Variants in LRMDA observed in about 807,000 individuals in gnomAD.
The protein encoded by LRMDA is leucine rich melanocyte differentiation associated, also known as leucine-rich melanocyte differentiation-associated protein.
In LRMDA, 18 loss-of-function variants were observed where a neutral mutation model predicts 29.8. The observed-to-expected ratio is 0.60, with a 90% CI of 0.42 to 0.90. The LOEUF (loss-of-function observed/expected upper bound fraction) is 0.90, where lower values mean the gene tolerates loss of function less well. Among genes scored for constraint, LRMDA ranks in the 40% least tolerant of loss-of-function variants. The pLI is 0.00. For synonymous variants in LRMDA, 125 were observed against 109.4 expected, an observed-to-expected ratio of 1.14 and a Z score of -0.89; for missense variants, 273 against 273.9, an observed-to-expected ratio of 1.00 and a Z score of 0.02.
chr10:75,738,851 G>A (rs1271606691), intron 2 of LRMDA, among the ~76,000 whole-genome samples: 2 of 152,100 alleles, frequency 1.3e-5, no homozygotes, highest in African/African-American at 2.4e-5. Flanking sequence ...AGTTTTTCTC[G>A]AGCTGGTCTG....
intron 1 of LRMDA, 60 bp downstream of exon 1, chr10:75,431,814 G>A: frequency 7.8e-7 from 1 of 1,285,154 alleles, no homozygotes; most frequent in South Asian, 2.6e-5. Context: ...AGGGACAGCG[G>A]GGCACAGAGG....
chr10:76,409,003 A>T (rs1841930809), intron 6 of LRMDA, among the ~76,000 whole-genome samples: 1 of 152,220 alleles, frequency 6.6e-6, no homozygotes, highest in Non-Finnish European at 1.5e-5. Flanking sequence ...GAAGCAAACA[A>T]AGAAGGAATA....
chr10:75,626,652 G>T (rs749979859), intron 2 of LRMDA, among the ~76,000 whole-genome samples: 3 of 152,288 alleles, frequency 2.0e-5, no homozygotes, highest in Non-Finnish European at 2.9e-5. Context: ...CTACCATTTG[G>T]CAGGTTACAG....
At chr10:76,258,864 C>T (rs968022516) in intron 5 of LRMDA, among the ~76,000 whole-genome samples, 2 of 151,988 alleles carry the variant, frequency 1.3e-5, no homozygotes, top group African/African-American at 2.4e-5. Context: ...TCTACTATTC[C>T]GTTGTTGGAT....
At chr10:76,428,000 G>C (rs1348787682) in intron 6 of LRMDA, among the ~76,000 whole-genome samples, 3 of 152,098 alleles carry the variant, frequency 2.0e-5, no homozygotes, top group African/African-American at 7.2e-5. Flanking sequence ...CCTGGATTCG[G>C]TTTGCCAGTA....
intron 6 of LRMDA, among the ~76,000 whole-genome samples, chr10:76,335,854 A>C (rs2132412813): frequency 6.6e-6 from 1 of 152,240 alleles, no homozygotes; most frequent in Non-Finnish European, 1.5e-5. Context: ...TATCAGACTT[A>C]AGGTCTATGT....
chr10:76,147,308 ACT>A (rs1423468263), intron 5 of LRMDA, among the ~76,000 whole-genome samples: 2 of 152,110 alleles, frequency 1.3e-5, no homozygotes, highest in Non-Finnish European at 2.9e-5. Flanking sequence ...TCTCCCCGTC[ACT>A]TTCAGGTACA....
At chr10:75,672,165 C>G (rs1841898609) in intron 2 of LRMDA, among the ~76,000 whole-genome samples, 1 of 152,078 alleles carries the variant, frequency 6.6e-6, no homozygotes, top group South Asian at 2.1e-4. Context: ...TGGGTTCTAA[C>G]TTTGTTAGTG....
At chr10:76,431,306 C>A (rs1189306282) in intron 6 of LRMDA, among the ~76,000 whole-genome samples, 1 of 152,138 alleles carries the variant, frequency 6.6e-6, no homozygotes, top group Non-Finnish European at 1.5e-5. Flanking sequence ...TAACTAGGAG[C>A]TTTTTGCTGT....
chr10:76,158,759 T>A (rs1850589422), intron 5 of LRMDA, among the ~76,000 whole-genome samples: 1 of 152,160 alleles, frequency 6.6e-6, no homozygotes, highest in Non-Finnish European at 1.5e-5. Context: ...AATTTAGTGG[T>A]AGAGTTAAAA....
chr10:76,352,953 G>A (rs1841195632), intron 6 of LRMDA, among the ~76,000 whole-genome samples: 1 of 152,074 alleles, frequency 6.6e-6, no homozygotes, highest in South Asian at 2.1e-4. Context: ...TGCCCCAAAT[G>A]AAGCAGCTTT....
At chr10:76,005,997 T>A (rs1356749933) in intron 2 of LRMDA, among the ~76,000 whole-genome samples, 1 of 152,082 alleles carries the variant, frequency 6.6e-6, no homozygotes, top group Admixed American at 6.6e-5. Context: ...AGGAAGGTTC[T>A]AGGCTGTGGT....
At chr10:76,527,427 T>C (rs557628858) in intron 6 of LRMDA, among the ~76,000 whole-genome samples, 29 of 152,270 alleles carry the variant, frequency 1.9e-4, no homozygotes, top group South Asian at 6.2e-4. Context: ...TCTCTGCAGA[T>C]TGAACTTTTG....
chr10:76,164,388 AAGAC>A (rs1281636206), intron 5 of LRMDA, among the ~76,000 whole-genome samples: 9 of 152,222 alleles, frequency 5.9e-5, no homozygotes, highest in Non-Finnish European at 1.2e-4. Context: ...AGTCTCGAGA[AAGAC>A]AGTGTCCACC....
intron 6 of LRMDA, among the ~76,000 whole-genome samples, chr10:76,367,164 G>A (rs1359956184): frequency 6.6e-6 from 1 of 152,028 alleles, no homozygotes. Flanking sequence ...CTAGTATTTT[G>A]TTAACTATTT....
At chr10:76,210,031 A>G (rs1399306219) in intron 5 of LRMDA, among the ~76,000 whole-genome samples, 5 of 152,182 alleles carry the variant, frequency 3.3e-5, no homozygotes, top group Non-Finnish European at 7.4e-5. Context: ...CAGATTTACC[A>G]CCTTCTCCCC....
At chr10:76,041,079 A>C (rs1419758534) in intron 3 of LRMDA, among the ~76,000 whole-genome samples, 1 of 152,228 alleles carries the variant, frequency 6.6e-6, no homozygotes, top group Non-Finnish European at 1.5e-5. Context: ...AATGGTTAAC[A>C]CAAACTTCAG....
intron 5 of LRMDA, among the ~76,000 whole-genome samples, chr10:76,232,126 G>C (rs1852069358): frequency 6.6e-6 from 1 of 152,122 alleles, no homozygotes. Context: ...AAAGGAGTCT[G>C]AATAATAATA....
intron 2 of LRMDA, among the ~76,000 whole-genome samples, chr10:75,786,860 A>G (rs1353851891): frequency 1.3e-5 from 2 of 152,218 alleles, no homozygotes; most frequent in African/African-American, 4.8e-5. Flanking sequence ...TTGGGCACAC[A>G]AGTTGTACTA....
Sources: allele counts gnomAD v4.1 joint callset (sites outside exome capture counted in the v4.1 genomes callset), GRCh38; gene constraint gnomAD v4.1.1; transcripts MANE v1.5; gene names NCBI Gene and HGNC (gene_info 2026-07-23, HGNC 2026-07-21).